Variants in TAS2R1 observed in about 807,000 individuals in gnomAD.
The protein encoded by TAS2R1 is taste receptor type 2 member 1.
For missense variants in TAS2R1, 370 were observed against 353.4 expected (o/e 1.05, Z -0.38); for synonymous variants, 141 against 134.2 (o/e 1.05, Z -0.35).
chr5:9,800,065 A>T, the TAS2R1 span, among the ~76,000 whole-genome samples: 1 of 152,190 alleles, frequency 6.6e-6, no homozygotes, highest in African/African-American at 2.4e-5. Context: ...AAGCAGGCCT[A>T]TTTCTTTCCT....
chr5:9,693,431 G>C (rs1351263454), intron 1 of TAS2R1, among the ~76,000 whole-genome samples: 1 of 149,836 alleles, frequency 6.7e-6, no homozygotes, highest in Admixed American at 6.7e-5. Flanking sequence ...AGCTGAGGGA[G>C]GAGAATCGCT....
intron 1 of TAS2R1, among the ~76,000 whole-genome samples, chr5:9,701,090 C>A (rs1334319556): frequency 1.3e-5 from 2 of 152,058 alleles, no homozygotes; most frequent in Non-Finnish European, 2.9e-5. Flanking sequence ...ACCCCGCTGG[C>A]AAATTAGTTT....
the TAS2R1 span, among the ~76,000 whole-genome samples, chr5:9,760,265 A>G: frequency 6.6e-6 from 1 of 152,252 alleles, no homozygotes; most frequent in Admixed American, 6.5e-5. Context: ...TCTACCAAAC[A>G]TTTAAAGAAG....
chr5:9,832,192 T>A, the TAS2R1 span, among the ~76,000 whole-genome samples: 1 of 152,228 alleles, frequency 6.6e-6, no homozygotes, highest in Non-Finnish European at 1.5e-5. Context: ...TACATTGACA[T>A]CTTGGCATTT....
the TAS2R1 span, among the ~76,000 whole-genome samples, chr5:9,757,751 G>A: frequency 2.0e-5 from 3 of 152,066 alleles, no homozygotes; most frequent in South Asian, 2.1e-4. Context: ...AAACTAGCAC[G>A]CTGAAAAACA....
At chr5:9,875,131 A>G in the TAS2R1 span, among the ~76,000 whole-genome samples, 1 of 152,158 alleles carries the variant, frequency 6.6e-6, no homozygotes, top group Non-Finnish European at 1.5e-5. Context: ...AATTCTCAAA[A>G]TTAGGAGGCA....
chr5:9,643,135 C>T (rs1740119704), intron 2 of TAS2R1, among the ~76,000 whole-genome samples: 1 of 152,104 alleles, frequency 6.6e-6, no homozygotes, highest in South Asian at 2.1e-4. Context: ...GCATTTACAG[C>T]CATGCACTGC....
At chr5:9,874,439 C>A in the TAS2R1 span, among the ~76,000 whole-genome samples, 1 of 151,392 alleles carries the variant, frequency 6.6e-6, no homozygotes, top group Non-Finnish European at 1.5e-5. Context: ...TCCTAAAAGT[C>A]TAGAAATTCC....
At chr5:9,752,077 A>G in the TAS2R1 span, among the ~76,000 whole-genome samples, 4 of 152,238 alleles carry the variant, frequency 2.6e-5, no homozygotes, top group Non-Finnish European at 4.4e-5. Context: ...AAAGATTAAA[A>G]TGACTCAAAA....
At chr5:9,861,037 G>GTTTTTTTTTTGTTTTTTTTTTTTTTTT in the TAS2R1 span, among the ~76,000 whole-genome samples, 1 of 88,612 alleles carries the variant, frequency 1.1e-5, no homozygotes, top group Non-Finnish European at 2.2e-5. Flanking sequence ...GGAAGATGAG[G>GTTTTTTTTTTGTTTTTTTTTTTTTTTT]TTTTTTTTTT....
the TAS2R1 span, among the ~76,000 whole-genome samples, chr5:9,820,368 T>G: frequency 6.6e-6 from 1 of 152,266 alleles, no homozygotes; most frequent in African/African-American, 2.4e-5. Context: ...CCTATAAAAT[T>G]TTCATACCCC....
At chr5:9,668,843 A>G (rs1463686701) in intron 1 of TAS2R1, among the ~76,000 whole-genome samples, 12 of 152,192 alleles carry the variant, frequency 7.9e-5, no homozygotes, top group Non-Finnish European at 1.3e-4. Context: ...CTATTAAAAA[A>G]AAAACCACAC....
At chr5:9,711,540 G>A (rs1734659632) in intron 1 of TAS2R1, among the ~76,000 whole-genome samples, 1 of 152,178 alleles carries the variant, frequency 6.6e-6, no homozygotes, top group Admixed American at 6.5e-5. Flanking sequence ...TGTTCGATAG[G>A]TCTAGAGTTT....
chr5:9,693,726 T>C (rs551457092), intron 1 of TAS2R1, among the ~76,000 whole-genome samples: 10 of 152,158 alleles, frequency 6.6e-5, no homozygotes, highest in African/African-American at 2.4e-4. Flanking sequence ...ATGATCTCTG[T>C]CTTGATGCTT....
chr5:9,689,445 G>A (rs1191444215), intron 1 of TAS2R1, among the ~76,000 whole-genome samples: 1 of 152,112 alleles, frequency 6.6e-6, no homozygotes, highest in Non-Finnish European at 1.5e-5. Context: ...AGCCACCCAG[G>A]TGATGCTGAT....
chr5:9,669,868 A>G (rs929783019), intron 1 of TAS2R1, among the ~76,000 whole-genome samples: 4 of 152,082 alleles, frequency 2.6e-5, no homozygotes, highest in Admixed American at 1.3e-4. Context: ...AACAAGACTG[A>G]ACCACCCCCA....
At chr5:9,778,102 G>A in the TAS2R1 span, among the ~76,000 whole-genome samples, 34 of 151,860 alleles carry the variant, frequency 2.2e-4, no homozygotes, top group South Asian at 2.1e-4. Flanking sequence ...GGATGGTTTC[G>A]ATCTCCTGAC....
At chr5:9,760,038 T>C in the TAS2R1 span, among the ~76,000 whole-genome samples, 2 of 152,326 alleles carry the variant, frequency 1.3e-5, no homozygotes, top group Admixed American at 1.3e-4. Context: ...CTACCAGTCC[T>C]ATGGTTAGTA....
the TAS2R1 span, among the ~76,000 whole-genome samples, chr5:9,868,029 G>C: frequency 6.6e-6 from 1 of 152,150 alleles, no homozygotes; most frequent in African/African-American, 2.4e-5. Context: ...CAAGGCCTTG[G>C]GGAGCTCCAC....
Sources: allele counts gnomAD v4.1 joint callset (sites outside exome capture counted in the v4.1 genomes callset), GRCh38; gene constraint gnomAD v4.1.1; transcripts MANE v1.5; gene names NCBI Gene and HGNC (gene_info 2026-07-23, HGNC 2026-07-21).